NFIA: variants seen among roughly 807,000 people sequenced by gnomAD.
NFIA encodes nuclear factor 1 A-type.
NFIA carries 8 observed loss-of-function variants against 62.8 expected under a neutral mutation model. The observed-to-expected ratio is 0.13, with a 90% CI of 0.07 to 0.23. The LOEUF is 0.23. Among genes scored for constraint, NFIA ranks in the 10% least tolerant of loss-of-function variants. The pLI is 1.00. For synonymous variants in NFIA, 235 were observed against 238.1 expected (o/e 0.99, Z 0.12); for missense variants, 410 against 642.1 (o/e 0.64, Z 3.91).
chr1:61,367,500 T>C (rs923047575), intron 6 of NFIA, among the ~76,000 whole-genome samples: 1 of 152,174 alleles, frequency 6.6e-6, no homozygotes, highest in African/African-American at 2.4e-5. Flanking sequence ...CACATCCTCT[T>C]CTATGATCTC....
In NFIA at chr1:61,245,357, A is replaced by G. The variant is rs577345208; in HGVS notation, c.560-32163A>G. 8.5e-5 allele frequency among the ~76,000 whole-genome samples: 13 copies of G among 152,318 alleles called. No homozygotes were observed. In the South Asian group the frequency reaches 2.7e-3, roughly 32 times the overall value. Reference sequence around the variant, plus strand: ...ATCCCCTGAAAACATTTCCATAAATATAAAGTAAATTTTCAAAGTTCAAAG... The same window carrying G: ...ATCCCCTGAAAACATTTCCATAAATGTAAAGTAAATTTTCAAAGTTCAAAG... On this transcript the variant is annotated intron_variant, in intron 2 of 10. Coordinates refer to ENST00000403491, the MANE Select transcript of NFIA (RefSeq NM_001134673.4).
chr1:61,442,082 C>T (rs990248534), intron 10 of NFIA, among the ~76,000 whole-genome samples: 4 of 152,112 alleles, frequency 2.6e-5, no homozygotes, highest in Admixed American at 6.5e-5. Context: ...ACTATCCCCT[C>T]GCACCCCTTC....
At chr1:61,173,610 G>A (rs563584434) in intron 2 of NFIA, among the ~76,000 whole-genome samples, 5 of 152,058 alleles carry the variant, frequency 3.3e-5, no homozygotes, top group African/African-American at 1.2e-4. Flanking sequence ...GGCTAGTCTC[G>A]AACTGCTGGC....
At chr1:61,329,985 CG>C (rs1464128697) in intron 3 of NFIA, among the ~76,000 whole-genome samples, 1 of 152,082 alleles carries the variant, frequency 6.6e-6, no homozygotes, top group East Asian at 1.9e-4. Context: ...ATCACAGAAG[CG>C]GTGGGGACTG....
intron 2 of NFIA, among the ~76,000 whole-genome samples, chr1:61,276,253 G>A (rs1374415055): frequency 6.6e-6 from 1 of 152,144 alleles, no homozygotes; most frequent in Non-Finnish European, 1.5e-5. Context: ...AAAGCAGGGA[G>A]TCTTTTAAAG....
intron 10 of NFIA, among the ~76,000 whole-genome samples, chr1:61,443,675 A>G (rs1667685698): frequency 6.6e-6 from 1 of 152,208 alleles, no homozygotes; most frequent in Admixed American, 6.5e-5. Flanking sequence ...TATTAGTATC[A>G]TTGATTTATT....
intron 3 of NFIA, among the ~76,000 whole-genome samples, chr1:61,325,060 A>G (rs931866904): frequency 1.3e-5 from 2 of 152,214 alleles, no homozygotes; most frequent in Admixed American, 6.5e-5. Context: ...AATTGTAGAG[A>G]TAGCACATTG....
At chr1:61,128,747 A>G (rs1040138720) in intron 2 of NFIA, among the ~76,000 whole-genome samples, 11 of 152,166 alleles carry the variant, frequency 7.2e-5, no homozygotes, top group Non-Finnish European at 1.0e-4. Flanking sequence ...ATGGACATTA[A>G]TGATTTTACA....
chr1:61,136,113 A>T (rs965755717), intron 2 of NFIA, among the ~76,000 whole-genome samples: 2 of 152,182 alleles, frequency 1.3e-5, no homozygotes, highest in Non-Finnish European at 2.9e-5. Context: ...GATCTTACTT[A>T]TGTCTGCATT....
At chr1:61,451,101 G>A (rs1056123773) in intron 10 of NFIA, among the ~76,000 whole-genome samples, 3 of 152,088 alleles carry the variant, frequency 2.0e-5, no homozygotes, top group African/African-American at 7.2e-5. Context: ...GGAAGAGATT[G>A]GCACCGTCAG....
chr1:61,136,448 C>T (rs1647191638), intron 2 of NFIA, among the ~76,000 whole-genome samples: 1 of 152,134 alleles, frequency 6.6e-6, no homozygotes, highest in Non-Finnish European at 1.5e-5. Flanking sequence ...CTAGTAGATG[C>T]CCTGGGAAGG....
At chr1:61,385,009 A>ATCC (rs1664603430) in intron 7 of NFIA, among the ~76,000 whole-genome samples, 1 of 152,158 alleles carries the variant, frequency 6.6e-6, no homozygotes, top group South Asian at 2.1e-4. Flanking sequence ...AGGCGGGCAG[A>ATCC]TCACTTGAGC....
At chr1:61,231,449 T>C (rs1654665304) in intron 2 of NFIA, among the ~76,000 whole-genome samples, 1 of 152,214 alleles carries the variant, frequency 6.6e-6, no homozygotes, top group Non-Finnish European at 1.5e-5. Context: ...GTCATTAGCT[T>C]ATATGCTGAA....
intron 10 of NFIA, among the ~76,000 whole-genome samples, chr1:61,430,875 T>G (rs1385572379): frequency 6.6e-6 from 1 of 152,088 alleles, no homozygotes; most frequent in East Asian, 1.9e-4. Context: ...ATTTTTTTCC[T>G]CCTTCTCCAT....
At chr1:61,342,226 G>A (rs139186273) in intron 4 of NFIA, among the ~76,000 whole-genome samples, 351 of 152,128 alleles carry the variant, frequency 2.3e-3, no homozygotes, top group Non-Finnish European at 3.7e-3. Flanking sequence ...GAATTAGTCA[G>A]TTGTTGGGAT....
chr1:61,118,908 G>GA (rs758472105), intron 2 of NFIA, among the ~76,000 whole-genome samples: 33 of 152,090 alleles, frequency 2.2e-4, no homozygotes, highest in Non-Finnish European at 8.8e-5. Flanking sequence ...ATAATTCAAG[G>GA]AAATAATTGC....
At chr1:61,158,182 G>A (rs1488415002) in intron 2 of NFIA, among the ~76,000 whole-genome samples, 3 of 152,070 alleles carry the variant, frequency 2.0e-5, no homozygotes, top group Non-Finnish European at 4.4e-5. Flanking sequence ...GAAAATAATA[G>A]GATTAAGATT....
intron 2 of NFIA, among the ~76,000 whole-genome samples, chr1:61,213,385 G>A (rs895664431): frequency 1.3e-5 from 2 of 152,176 alleles, no homozygotes; most frequent in Non-Finnish European, 2.9e-5. Flanking sequence ...GAAGATATGT[G>A]TTCACATGAA....
At chr1:61,427,664 T>C (rs1361935351) in intron 10 of NFIA, among the ~76,000 whole-genome samples, 1 of 152,172 alleles carries the variant, frequency 6.6e-6, no homozygotes, top group Non-Finnish European at 1.5e-5. Context: ...CTGCATTGTA[T>C]CTGAAGCCTT....
Sources: gnomAD v4.1 joint callset for allele counts (sites outside exome capture counted in the v4.1 genomes callset) on GRCh38, gnomAD v4.1.1 for gene constraint, MANE v1.5 for transcripts, NCBI Gene and HGNC (gene_info 2026-07-23, HGNC 2026-07-21) for gene names.